The following TNS1 variants were observed in gnomAD, a reference collection of about 807,000 sequenced individuals.
The protein encoded by TNS1 is tensin 1.
TNS1 carries 62 observed loss-of-function variants against 168.6 expected under a neutral mutation model. The ratio of observed to expected loss-of-function variants is 0.37; its 90% CI spans 0.30 to 0.45. TNS1 has a LOEUF of 0.45. TNS1 is among the 20% of genes least tolerant of loss of function. TNS1 has a pLI of 1.00. For missense variants in TNS1, 2,240 were observed against 2,339.4 expected, an observed-to-expected ratio of 0.96 and a Z score of 0.88; for synonymous variants, 934 against 933.2, an observed-to-expected ratio of 1.00 and a Z score of -0.02.
Position 217,885,804 on chromosome 2 carries a change from G to C in TNS1, c.1056C>G (p.Asp352Glu). 3.1e-6 allele frequency: 5 copies of C among 1,614,184 alleles called. No homozygotes were observed. Among genetic ancestry groups the C allele is most frequent in the South Asian group, 1.1e-5 (1 of 91,080 alleles). Residue 352 changes from aspartate to glutamate, a missense_variant, in exon 15 of 33, where the codon GAC becomes GAG. Coordinates refer to ENST00000682258, the MANE Select transcript of TNS1 (RefSeq NM_001387777.1). ...TGGTGATGCAGACGCTAGTCTGGCT[G>C]TCTCCTGGGATGTTGCTAAGGGAGA... is the stretch of plus-strand genomic sequence containing the variant. Reference protein sequence around the residue: ...YTSGIYNIPGDSQTSVCITIE... With the variant: ...YTSGIYNIPGESQTSVCITIE...
intron 3 of TNS1, among the ~76,000 whole-genome samples, chr2:217,941,467 G>A (rs1166795969): frequency 6.6e-6 from 1 of 152,220 alleles, no homozygotes; most frequent in African/African-American, 2.4e-5. Flanking sequence ...TGAGCCACGG[G>A]TGTGAGGGAG....
At chr2:217,942,771 CGCCT>C (rs886718686) in intron 3 of TNS1, among the ~76,000 whole-genome samples, 2 of 151,958 alleles carry the variant, frequency 1.3e-5, no homozygotes, top group Non-Finnish European at 2.9e-5. Context: ...CCCCCACAAC[CGCCT>C]GCCTGCCTGC....
At chr2:217,830,293 C>T (rs1434221390) in intron 22 of TNS1, 97 of 1,593,742 alleles carry the variant, frequency 6.1e-5, no homozygotes, top group African/African-American at 8.0e-5. Flanking sequence ...CTGGCCATGC[C>T]GACACTCTGA....
intron 3 of TNS1, among the ~76,000 whole-genome samples, chr2:217,962,179 C>T (rs1957513078): frequency 6.6e-6 from 1 of 152,226 alleles, no homozygotes; most frequent in African/African-American, 2.4e-5. Flanking sequence ...TGAGGTGACT[C>T]ACGCCTATAA....
chr2:217,881,039 G>A (rs754014175), intron 17 of TNS1, 25 bp from the exon 18 acceptor site: 2 of 1,531,142 alleles, frequency 1.3e-6, no homozygotes, highest in Non-Finnish European at 1.8e-6. Context: ...AAAGGCAGCG[G>A]CAGTCGGGGA....
chr2:217,996,469 T>C (rs1958472830), intron 1 of TNS1, among the ~76,000 whole-genome samples: 1 of 151,958 alleles, frequency 6.6e-6, no homozygotes, highest in Non-Finnish European at 1.5e-5. Context: ...CCCAGCTTCC[T>C]CCAACCCCAC....
chr2:217,938,058 G>A (rs1424446558), intron 3 of TNS1, among the ~76,000 whole-genome samples: 1 of 152,228 alleles, frequency 6.6e-6, no homozygotes, highest in Non-Finnish European at 1.5e-5. Context: ...AAATTGGGCA[G>A]AGGTGAGCAG....
chr2:217,922,352 C>T (rs1399487438), intron 3 of TNS1, among the ~76,000 whole-genome samples: 2 of 152,210 alleles, frequency 1.3e-5, no homozygotes, highest in African/African-American at 4.8e-5. Flanking sequence ...TCTCCCAACC[C>T]ACTCTGTCAC....
chr2:217,800,941 G>T lies in TNS1; in HGVS notation c.*3518C>A, dbSNP rs1325220074. ...AATCTCCTACTCACTAACCTCCTGA[G>T]AGCCGTTTATAGGGGGATCACACTT... On this transcript the variant is annotated 3_prime_UTR_variant, in exon 33 of 33. Transcript: ENST00000682258. The T allele has an allele frequency of 6.6e-6, 1 of 152,172 alleles. No individual in the cohort carries two copies. Among genetic ancestry groups the T allele is most frequent in the Admixed American group, 6.5e-5 (1 of 15,282 alleles). The allele number at this position is 152,172 out of a possible 1,614,324, so 9.4% of individuals were successfully genotyped here.
chr2:217,936,825 C>T (rs139995611), intron 3 of TNS1: 30 of 422,884 alleles, frequency 7.1e-5, no homozygotes, highest in Admixed American at 6.3e-4. Context: ...AGGCACTGGG[C>T]TGAGAACTTT....
At chr2:217,849,811 C>G (rs1947217717) in intron 18 of TNS1, 1 of 985,450 alleles carries the variant, frequency 1.0e-6, no homozygotes. Context: ...CCCACGGAAG[C>G]AGGGGGAGAA....
rs1289574758 is a variant in TNS1 at position 217,802,104 on chromosome 2, G to A, written c.*2355C>T. 1 of 152,236 alleles carries A rather than the reference G, an allele frequency of 6.6e-6. No individual in the cohort carries two copies. The highest frequency in any genetic ancestry group is 2.4e-5 in the African/African-American group (1 of 41,460). The allele number at this position is 152,236 out of a possible 1,614,324, so 9.4% of individuals were successfully genotyped here. ...CATCCATGCCAGGAATAGGCTCCTG[G>A]GCTCTCCAGTGGGAGATGAGATATT... On this transcript the variant is annotated 3_prime_UTR_variant, in exon 33 of 33. Transcript: ENST00000682258.
At chr2:217,905,748 G>A (rs1054537181) in intron 6 of TNS1, among the ~76,000 whole-genome samples, 12 of 152,286 alleles carry the variant, frequency 7.9e-5, no homozygotes, top group South Asian at 6.2e-4. Context: ...CTCAAAGCAC[G>A]TCCTGGAAGA....
At chr2:217,992,114 C>T (rs893192035) in intron 1 of TNS1, among the ~76,000 whole-genome samples, 1 of 152,128 alleles carries the variant, frequency 6.6e-6, no homozygotes, top group Non-Finnish European at 1.5e-5. Context: ...ACCTTTTGGG[C>T]CCCACTGCGG....
intron 8 of TNS1, among the ~76,000 whole-genome samples, 170 bp from the exon 9 acceptor site, chr2:217,895,226 G>A (rs949053713): frequency 6.6e-6 from 1 of 152,220 alleles, no homozygotes; most frequent in African/African-American, 2.4e-5. Flanking sequence ...CTCACGGCCA[G>A]GGGCCTGGCC....
At chr2:217,875,712 G>A (rs779931869) in intron 18 of TNS1, among the ~76,000 whole-genome samples, 1 of 152,178 alleles carries the variant, frequency 6.6e-6, no homozygotes, top group Non-Finnish European at 1.5e-5. Context: ...CTCATAAGAA[G>A]TCATCACAGA....
At chr2:217,966,308 T>TGTGTGTGC (rs372273499) in intron 3 of TNS1, among the ~76,000 whole-genome samples, 15 of 133,746 alleles carry the variant, frequency 1.1e-4, no homozygotes, top group South Asian at 9.7e-4. Flanking sequence ...TGTGTGTGTG[T>TGTGTGTGC]GCGCGCGCGC....
chr2:217,805,486 A>AC (rs113099863), intron 32 of TNS1, among the ~76,000 whole-genome samples: 9,490 of 27,940 alleles, frequency 0.34, 264 homozygotes, highest in African/African-American at 0.36. Context: ...CACACACACC[A>AC]CACACACACC....
At chr2:217,961,159 G>C (rs1295773070) in intron 3 of TNS1, among the ~76,000 whole-genome samples, 2 of 151,900 alleles carry the variant, frequency 1.3e-5, no homozygotes, top group African/African-American at 4.8e-5. Flanking sequence ...CAGTTAGGGA[G>C]CCCTGCTCAG....
Sources: gnomAD v4.1 joint callset for allele counts (sites outside exome capture counted in the v4.1 genomes callset) on GRCh38, gnomAD v4.1.1 for gene constraint, MANE v1.5 for transcripts, NCBI Gene and HGNC (gene_info 2026-07-23, HGNC 2026-07-21) for gene names.